ANKRD27: variants seen among roughly 807,000 people sequenced by gnomAD.
ANKRD27 encodes the protein ankyrin repeat domain-containing protein 27.
In ANKRD27, 112 loss-of-function variants were observed where a neutral mutation model predicts 129.7. The observed-to-expected ratio is 0.86, with a 90% CI of 0.74 to 1.01. The LOEUF (loss-of-function observed/expected upper bound fraction) is 1.01. ANKRD27 is among the 50% of genes least tolerant of loss of function. ANKRD27 has a pLI of 0.00. For synonymous variants in ANKRD27, 516 were observed against 511.2 expected (o/e 1.01, Z -0.13); for missense variants, 1,258 against 1,300.5 (o/e 0.97, Z 0.50).
chr19:32,620,285 G>A (rs1250487002), intron 18 of ANKRD27, among the ~76,000 whole-genome samples: 12 of 151,834 alleles, frequency 7.9e-5, no homozygotes, highest in East Asian at 5.8e-4. Flanking sequence ...GAAGCCGGGC[G>A]AGATGACCCA....
Position 32,626,811 on chromosome 19 carries a change from G to A in ANKRD27, c.1437C>T (p.Ile479=), listed in dbSNP as rs759177026. The A allele has an allele frequency of 2.0e-5, 32 of 1,609,852 alleles. No individual in the cohort carries two copies. Among genetic ancestry groups the A allele is most frequent in the South Asian group, 5.5e-5 (5 of 90,226 alleles). ...VAAVCGQASL[I]DLLVSKGAMV... ...TGGCGCCCTTGGAAACCAGGAGGTC[G>A]ATGAGGGATGCCTGCCCTGCAGAGC... Residue 479 remains isoleucine (I), a synonymous_variant, in exon 16 of 29, where the codon ATC becomes ATT. Coordinates refer to ENST00000306065, the MANE Select transcript of ANKRD27 (RefSeq NM_032139.3).
chr19:32,634,870 G>A (rs1192231311), intron 12 of ANKRD27, among the ~76,000 whole-genome samples: 4 of 152,090 alleles, frequency 2.6e-5, no homozygotes, highest in African/African-American at 7.2e-5. Flanking sequence ...AGCTGAGATT[G>A]CACCACTGCA....
intron 1 of ANKRD27, among the ~76,000 whole-genome samples, chr19:32,664,070 A>G (rs1311263731): frequency 4.9e-5 from 6 of 122,668 alleles, no homozygotes; most frequent in East Asian, 2.2e-4. Context: ...AAAAAAAAAA[A>G]AAAAGAAAGA....
At chr19:32,663,474 T>A (rs568987700) in intron 1 of ANKRD27, among the ~76,000 whole-genome samples, 1 of 152,374 alleles carries the variant, frequency 6.6e-6, no homozygotes, top group African/African-American at 2.4e-5. Flanking sequence ...TTTCTATTTT[T>A]AGGTCTTCAA....
At chr19:32,660,193 G>A (rs997429441) in intron 1 of ANKRD27, among the ~76,000 whole-genome samples, 3 of 152,210 alleles carry the variant, frequency 2.0e-5, no homozygotes, top group South Asian at 2.1e-4. Flanking sequence ...CCCGCTAGGC[G>A]GGGCCTTTGG....
chr19:32,599,600 G>A (rs568750672), intron 28 of ANKRD27, 104 bp downstream of exon 28: 17 of 1,023,788 alleles, frequency 1.7e-5, no homozygotes, highest in Admixed American at 4.4e-5. Flanking sequence ...TACGGCGCAC[G>A]GAATAATGAA....
chr19:32,656,298 G>C (rs1483839770), intron 2 of ANKRD27, among the ~76,000 whole-genome samples: 1 of 152,182 alleles, frequency 6.6e-6, no homozygotes, highest in Admixed American at 6.6e-5. Flanking sequence ...TGTCTAGACA[G>C]TAGTTTAAAA....
intron 9 of ANKRD27, 85 bp from the exon 10 acceptor site, chr19:32,642,230 A>C: frequency 7.6e-7 from 1 of 1,309,238 alleles, no homozygotes. Context: ...CTCAGGATCT[A>C]CACTTCTCAC....
rs546721453 is a variant in ANKRD27 at position 32,604,964 on chromosome 19, C to T, written c.2494-540G>A. Among the ~76,000 whole-genome samples, 13 of 152,006 alleles carry T rather than the reference C, an allele frequency of 8.6e-5. No individual in the cohort carries two copies. In the South Asian group the frequency reaches 1.5e-3, roughly 17 times the overall value. ...GTGGGCGCCTGTAGTTCCAGCTATT[C>T]GGGAGGCTGAGGCAGGAGAATCGCT... is the stretch of plus-strand genomic sequence containing the variant. On this transcript the variant is annotated intron_variant, in intron 24 of 28. Coordinates refer to ENST00000306065, the MANE Select transcript of ANKRD27 (RefSeq NM_032139.3).
intron 15 of ANKRD27, among the ~76,000 whole-genome samples, chr19:32,627,397 TA>T (rs576343830): frequency 0.012 from 997 of 82,978 alleles, 48 homozygotes; most frequent in Middle Eastern, 0.029. Flanking sequence ...TTTATTTATT[TA>T]TTTATTTATT....
At chr19:32,642,211 A>AC in intron 9 of ANKRD27, 66 bp from the exon 10 acceptor site, 1 of 1,418,314 alleles carries the variant, frequency 7.1e-7, no homozygotes, top group Non-Finnish European at 9.4e-7. Flanking sequence ...CCTGGATCTA[A>AC]GAACACATCT....
At chr19:32,638,268 G>C (rs539231800) in intron 12 of ANKRD27, 1 of 152,434 alleles carries the variant, frequency 6.6e-6, no homozygotes, top group African/African-American at 2.4e-5. Flanking sequence ...GCCAGACTCA[G>C]ACAGATGTCG....
chr19:32,636,094 C>T (rs259233), intron 12 of ANKRD27: 122,267 of 154,488 alleles, frequency 0.79, 49,301 homozygotes, highest in African/African-American at 0.95. Flanking sequence ...GAGGAAGACA[C>T]TGCTGCTGGC....
chr19:32,663,879 A>G (rs1440294707), intron 1 of ANKRD27, among the ~76,000 whole-genome samples: 1 of 150,822 alleles, frequency 6.6e-6, no homozygotes, highest in African/African-American at 2.4e-5. Flanking sequence ...AAACGGTGAA[A>G]CCCCGTCTCT....
chr19:32,603,115 T>C (rs909898782), intron 25 of ANKRD27, among the ~76,000 whole-genome samples: 1 of 152,008 alleles, frequency 6.6e-6, no homozygotes, highest in Admixed American at 6.6e-5. Context: ...CTGAGCAATA[T>C]GGTGAAACCC....
intron 17 of ANKRD27, among the ~76,000 whole-genome samples, chr19:32,623,020 G>A (rs1027819514): frequency 6.6e-6 from 1 of 151,124 alleles, no homozygotes; most frequent in Non-Finnish European, 1.5e-5. Context: ...TCAAACTCCT[G>A]GGCTCAAAAA....
chr19:32,668,989 T>C (rs541070727), intron 1 of ANKRD27, among the ~76,000 whole-genome samples: 2 of 152,136 alleles, frequency 1.3e-5, no homozygotes, highest in Admixed American at 1.3e-4. Context: ...CATTCATTCA[T>C]TTAGTAGAGA....
intron 25 of ANKRD27, among the ~76,000 whole-genome samples, chr19:32,602,398 A>G (rs1047020130): frequency 6.6e-6 from 1 of 152,016 alleles, no homozygotes; most frequent in African/African-American, 2.4e-5. Context: ...CTCAACCATA[A>G]TAAGATCTAC....
chr19:32,656,072 AAAG>A (rs1317222756), intron 2 of ANKRD27, among the ~76,000 whole-genome samples: 46 of 19,944 alleles, frequency 2.3e-3, no homozygotes, highest in African/African-American at 4.9e-3. Flanking sequence ...AGAAAGAAAG[AAAG>A]AAAGAAAGAA....
Sources: allele counts gnomAD v4.1 joint callset (sites outside exome capture counted in the v4.1 genomes callset), GRCh38; gene constraint gnomAD v4.1.1; transcripts MANE v1.5; gene names NCBI Gene and HGNC (gene_info 2026-07-23, HGNC 2026-07-21).